The following ODAD2 variants were observed in gnomAD, a reference collection of about 807,000 sequenced individuals.
ODAD2 encodes the protein outer dynein arm-docking complex subunit 2.
Under a neutral mutation model 106.8 loss-of-function variants are expected in ODAD2, and 89 were observed. The ratio of observed to expected loss-of-function variants is 0.83; its 90% CI spans 0.70 to 0.99. The LOEUF (loss-of-function observed/expected upper bound fraction) is 0.99. Among genes scored for constraint, ODAD2 ranks in the 50% least tolerant of loss-of-function variants. The probability of loss-of-function intolerance (pLI) is 0.00; values close to 1 mark genes in which losing one functional copy is unlikely to be tolerated. For synonymous variants in ODAD2, 404 were observed against 436.2 expected, an observed-to-expected ratio of 0.93 and a Z score of 0.92; for missense variants, 1,168 against 1,238.5, an observed-to-expected ratio of 0.94 and a Z score of 0.85.
chr10:27,835,204 C>T (rs1012546620), intron 19 of ODAD2, among the ~76,000 whole-genome samples: 1 of 152,154 alleles, frequency 6.6e-6, no homozygotes, highest in Admixed American at 6.5e-5. Flanking sequence ...GGCTTCTTGG[C>T]CCTGAGGAGA....
chr10:27,937,349 T>C (rs1291476771), intron 14 of ODAD2, among the ~76,000 whole-genome samples: 5 of 150,342 alleles, frequency 3.3e-5, no homozygotes, highest in African/African-American at 1.2e-4. Flanking sequence ...CTTTTTTTTT[T>C]TTTTTTGAGA....
intron 17 of ODAD2, among the ~76,000 whole-genome samples, chr10:27,864,822 C>T (rs1254151823): frequency 1.3e-5 from 2 of 152,050 alleles, no homozygotes; most frequent in East Asian, 1.9e-4. Context: ...TGCATCCCAA[C>T]GGCGTATCAG....
chr10:27,983,760 G>A (rs1849701748), intron 6 of ODAD2, 83 bp downstream of exon 6: 1 of 1,311,510 alleles, frequency 7.6e-7, no homozygotes, highest in Admixed American at 2.2e-5. Flanking sequence ...ATTCTCTGTG[G>A]TCATTGGGAC....
intron 17 of ODAD2, among the ~76,000 whole-genome samples, chr10:27,873,948 C>T (rs1841114005): frequency 6.6e-6 from 1 of 152,264 alleles, no homozygotes; most frequent in African/African-American, 2.4e-5. Flanking sequence ...CTAATGTTGA[C>T]AGTGGGGTGT....
intron 19 of ODAD2, among the ~76,000 whole-genome samples, chr10:27,823,800 C>A (rs1349002746): frequency 6.6e-6 from 1 of 152,060 alleles, no homozygotes; most frequent in African/African-American, 2.4e-5. Context: ...GTTAGATAGT[C>A]AAAAACAAAA....
chr10:27,990,149 T>G (rs1850133296), intron 2 of ODAD2, among the ~76,000 whole-genome samples: 1 of 151,950 alleles, frequency 6.6e-6, no homozygotes, highest in African/African-American at 2.4e-5. Flanking sequence ...TCGAGTTTAG[T>G]GTCCTTTTTT....
intron 17 of ODAD2, among the ~76,000 whole-genome samples, chr10:27,880,933 C>G (rs908293199): frequency 6.6e-6 from 1 of 152,176 alleles, no homozygotes; most frequent in Non-Finnish European, 1.5e-5. Context: ...ATAAAGATTT[C>G]TACGTGAACC....
At chr10:27,865,361 T>G (rs190867269) in intron 17 of ODAD2, among the ~76,000 whole-genome samples, 8 of 152,302 alleles carry the variant, frequency 5.3e-5, no homozygotes, top group African/African-American at 1.9e-4. Context: ...AGTCCTTCAG[T>G]TTTCATGTCC....
intron 15 of ODAD2, among the ~76,000 whole-genome samples, chr10:27,935,497 C>T (rs1845907281): frequency 6.6e-6 from 1 of 152,272 alleles, no homozygotes; most frequent in South Asian, 2.1e-4. Flanking sequence ...TGTTCTAAAC[C>T]TGAGGATCTA....
At position 27,960,858 on chromosome 10, in the gene ODAD2, C is replaced by T. The variant is rs111664831; in HGVS notation, c.1386+710G>A. Among the ~76,000 whole-genome samples, 532 of 152,258 alleles carry T rather than the reference C, an allele frequency of 3.5e-3. 2 individuals carry two copies. Among genetic ancestry groups the T allele is most frequent in the African/African-American group, 0.012 (506 of 41,566 alleles). Reference sequence around the variant, plus strand: ...CTTTTTCACAAATACTTCTGGACGTCGGCTTTACACAAGGCCTAGATATCA... The same window carrying T: ...CTTTTTCACAAATACTTCTGGACGTTGGCTTTACACAAGGCCTAGATATCA... On this transcript the variant is annotated intron_variant, in intron 10 of 19. Coordinates refer to ENST00000305242, the MANE Select transcript of ODAD2 (RefSeq NM_018076.5).
chr10:27,979,223 C>A (rs572703901), intron 7 of ODAD2, among the ~76,000 whole-genome samples: 1 of 133,748 alleles, frequency 7.5e-6, no homozygotes, highest in African/African-American at 2.9e-5. Flanking sequence ...TGGAGTGAGA[C>A]TCCATCTCAA....
intron 7 of ODAD2, among the ~76,000 whole-genome samples, 156 bp from the exon 8 acceptor site, chr10:27,971,469 G>T (rs901902109): frequency 4.6e-5 from 7 of 152,136 alleles, no homozygotes; most frequent in Non-Finnish European, 8.8e-5. Context: ...TCAAGACTAA[G>T]GCTTCTGTTG....
At chr10:27,878,091 TAGG>T (rs148365160) in intron 17 of ODAD2, among the ~76,000 whole-genome samples, 4,141 of 152,192 alleles carry the variant, frequency 0.027, 67 homozygotes, top group Non-Finnish European at 0.043. Context: ...CTTCACTACT[TAGG>T]AGATTAGTAA....
At chr10:27,984,105 A>C in intron 5 of ODAD2, 79 bp downstream of exon 5, 1 of 1,484,076 alleles carries the variant, frequency 6.7e-7, no homozygotes. Flanking sequence ...TTCTCTTGTA[A>C]TGTAGACATT....
intron 16 of ODAD2, among the ~76,000 whole-genome samples, chr10:27,926,081 G>C (rs561221052): frequency 1.3e-5 from 2 of 151,508 alleles, no homozygotes; most frequent in South Asian, 4.2e-4. Flanking sequence ...TAAAGAGCTA[G>C]ATATTATTTT....
At chr10:27,978,372 A>G (rs923334659) in intron 7 of ODAD2, among the ~76,000 whole-genome samples, 1 of 152,204 alleles carries the variant, frequency 6.6e-6, no homozygotes, top group Non-Finnish European at 1.5e-5. Flanking sequence ...TTAATTTCAA[A>G]CCATTACTCT....
intron 16 of ODAD2, among the ~76,000 whole-genome samples, chr10:27,909,661 T>A (rs1343198081): frequency 1.3e-5 from 2 of 151,708 alleles, no homozygotes; most frequent in Non-Finnish European, 2.9e-5. Context: ...CTACTAAATA[T>A]ACAAAAATTA....
intron 16 of ODAD2, among the ~76,000 whole-genome samples, chr10:27,914,947 T>C (rs1844258345): frequency 6.6e-6 from 1 of 151,898 alleles, no homozygotes; most frequent in Non-Finnish European, 1.5e-5. Context: ...GTCTGTGAAA[T>C]ATTATTAAAT....
intron 19 of ODAD2, among the ~76,000 whole-genome samples, chr10:27,840,635 T>C (rs1396369817): frequency 2.0e-5 from 3 of 152,048 alleles, no homozygotes; most frequent in Non-Finnish European, 4.4e-5. Flanking sequence ...GCTGGATACC[T>C]AGATCCAGGA....
Sources: allele counts gnomAD v4.1 joint callset (sites outside exome capture counted in the v4.1 genomes callset), GRCh38; gene constraint gnomAD v4.1.1; transcripts MANE v1.5; gene names NCBI Gene and HGNC (gene_info 2026-07-23, HGNC 2026-07-21).